The following PCLO variants were observed in gnomAD, a reference collection of about 807,000 sequenced individuals.
PCLO encodes the protein piccolo presynaptic cytomatrix protein.
PCLO carries 82 observed loss-of-function variants against 427.5 expected under a neutral mutation model. The observed-to-expected ratio is 0.19, with a 90% CI of 0.16 to 0.23. The LOEUF (loss-of-function observed/expected upper bound fraction) is 0.23, where lower values mean the gene tolerates loss of function less well. Among genes scored for constraint, PCLO ranks in the 10% least tolerant of loss-of-function variants. The probability of loss-of-function intolerance (pLI) is 1.00; values close to 1 mark genes in which losing one functional copy is unlikely to be tolerated. For missense variants in PCLO, 6,239 were observed against 6,115.9 expected, an observed-to-expected ratio of 1.02 and a Z score of -0.67; for synonymous variants, 2,357 against 2,155.4, an observed-to-expected ratio of 1.09 and a Z score of -2.59.
intron 3 of PCLO, among the ~76,000 whole-genome samples, chr7:82,981,303 T>C (rs562989042): frequency 2.7e-5 from 4 of 146,788 alleles, no homozygotes; most frequent in East Asian, 2.0e-4. Flanking sequence ...GAGTTAGAGG[T>C]AGAATTACCC....
At chr7:83,062,834 T>C (rs1017104413) in intron 3 of PCLO, among the ~76,000 whole-genome samples, 2 of 152,130 alleles carry the variant, frequency 1.3e-5, no homozygotes, top group Non-Finnish European at 2.9e-5. Flanking sequence ...TTCCTTTCAT[T>C]TTTATTTTCC....
At chr7:83,162,133 AC>A (rs1360273035) in intron 1 of PCLO, among the ~76,000 whole-genome samples, 1 of 152,314 alleles carries the variant, frequency 6.6e-6, no homozygotes, top group African/African-American at 2.4e-5. Context: ...CAAGAATGTA[AC>A]CCTTGACTAT....
rs773080307 is a variant in PCLO, at chr7:82,955,323, A to C, written c.5630T>G (p.Ile1877Arg). 1.9e-6 allele frequency: 3 copies of C among 1,613,184 alleles called. No homozygotes were observed. The highest frequency in any genetic ancestry group is 2.5e-6 in the Non-Finnish European group (3 of 1,179,674). Residue 1877 changes from isoleucine (I) to arginine (R), a missense_variant, in exon 5 of 25, where the codon ATA becomes AGA. Coordinates refer to ENST00000333891, the MANE Select transcript of PCLO (RefSeq NM_033026.6). ...TTTATAAACTTTTTGTACTTCTATT[A>C]TTTTTTCCGGGCTTATTTCAAAACC... Reference protein sequence around the residue: ...PEGFEISPEKIIEVQKVYKLP... With the variant: ...PEGFEISPEKRIEVQKVYKLP...
At chr7:82,830,160 A>C (rs1262312694) in intron 16 of PCLO, among the ~76,000 whole-genome samples, 3 of 151,924 alleles carry the variant, frequency 2.0e-5, no homozygotes, top group Non-Finnish European at 2.9e-5. Flanking sequence ...ATTATCTTTT[A>C]AAAAATCTAA....
chr7:83,082,527 G>A (rs1414280235), intron 3 of PCLO, among the ~76,000 whole-genome samples: 2 of 151,636 alleles, frequency 1.3e-5, no homozygotes, highest in African/African-American at 2.4e-5. Context: ...ATGAAGAAGG[G>A]ATGATTAATG....
At chr7:82,972,420 T>C (rs184752652) in intron 3 of PCLO, among the ~76,000 whole-genome samples, 53 of 152,140 alleles carry the variant, frequency 3.5e-4, no homozygotes, top group Non-Finnish European at 6.5e-4. Context: ...GGGCTGCCTA[T>C]TTATTTTTCT....
intron 4 of PCLO, among the ~76,000 whole-genome samples, chr7:82,961,519 C>G (rs1795655695): frequency 6.6e-6 from 1 of 152,260 alleles, no homozygotes; most frequent in South Asian, 2.1e-4. Context: ...TCCACTGTGG[C>G]GTGCACATAC....
chr7:82,936,555 C>G (rs116895686), intron 6 of PCLO, among the ~76,000 whole-genome samples: 2 of 151,408 alleles, frequency 1.3e-5, no homozygotes, highest in African/African-American at 4.8e-5. Flanking sequence ...GAAATTGCAA[C>G]CCTTATACAT....
chr7:83,162,507 G>A lies in PCLO; in HGVS notation c.86C>T (p.Ala29Val). The change falls in exon 1 of 25, where the codon GCG becomes GTG. Residue 29 changes from alanine (A) to valine (V), a missense_variant. By Grantham distance (64) the Ala-to-Val change is moderately conservative. Transcript: ENST00000333891. Reference protein sequence around the residue: ...AAAAGGGASGAGSPSHTAIPA... With the variant: ...AAAAGGGASGVGSPSHTAIPA... ...GATCGCGGTGTGAGAGGGGCTCCCCGCCCCGCTAGCTCCTCCTCCAGCCGC... is the reference window on the plus strand; with the variant it reads ...GATCGCGGTGTGAGAGGGGCTCCCCACCCCGCTAGCTCCTCCTCCAGCCGC... 2 of 1,563,132 alleles carry A rather than the reference G, an allele frequency of 1.3e-6. No individual in the cohort carries two copies. The highest frequency in any genetic ancestry group is 2.4e-5 in the South Asian group (2 of 85,046).
At chr7:82,874,758 A>G (rs1793329184) in intron 10 of PCLO, among the ~76,000 whole-genome samples, 1 of 152,174 alleles carries the variant, frequency 6.6e-6, no homozygotes, top group Non-Finnish European at 1.5e-5. Context: ...ATTTAAAATG[A>G]AAGTTGTAAA....
intron 3 of PCLO, among the ~76,000 whole-genome samples, chr7:83,014,327 C>T (rs1788156141): frequency 6.6e-6 from 1 of 151,854 alleles, no homozygotes; most frequent in Admixed American, 6.6e-5. Flanking sequence ...TTCTCAGTTG[C>T]CAGGAATTTA....
At chr7:82,799,535 T>C (rs905697345) in intron 22 of PCLO, among the ~76,000 whole-genome samples, 2 of 152,120 alleles carry the variant, frequency 1.3e-5, no homozygotes, top group African/African-American at 4.8e-5. Flanking sequence ...TGTAAAATAT[T>C]GTGCTGGCCC....
chr7:82,912,533 A>G (rs1794348307), intron 7 of PCLO, among the ~76,000 whole-genome samples: 1 of 151,960 alleles, frequency 6.6e-6, no homozygotes, highest in South Asian at 2.1e-4. Flanking sequence ...CTTTATGAAT[A>G]ATTTCCTTGT....
chr7:83,131,201 A>G (rs1230895905), intron 3 of PCLO, among the ~76,000 whole-genome samples: 3 of 152,334 alleles, frequency 2.0e-5, no homozygotes, highest in South Asian at 2.1e-4. Flanking sequence ...AAAGCCTAAA[A>G]GAATTGTCTC....
At chr7:82,822,177 G>A (rs955828676) in intron 20 of PCLO, 23 of 1,116,448 alleles carry the variant, frequency 2.1e-5, no homozygotes, top group Middle Eastern at 4.0e-4. Flanking sequence ...ATATTTAAGC[G>A]CAAACAAAAA....
chr7:83,103,556 T>A (rs993874132), intron 3 of PCLO, among the ~76,000 whole-genome samples: 15 of 151,992 alleles, frequency 9.9e-5, no homozygotes, highest in Non-Finnish European at 1.3e-4. Context: ...GTCTGTCAAT[T>A]GTCTTAACCT....
chr7:83,016,744 G>C (rs1300910004), intron 3 of PCLO, among the ~76,000 whole-genome samples: 1 of 152,088 alleles, frequency 6.6e-6, no homozygotes, highest in Non-Finnish European at 1.5e-5. Flanking sequence ...AAATTATTCT[G>C]AGTTATATGG....
At chr7:83,023,478 T>C (rs1010273950) in intron 3 of PCLO, among the ~76,000 whole-genome samples, 2 of 152,128 alleles carry the variant, frequency 1.3e-5, no homozygotes, top group Non-Finnish European at 2.9e-5. Flanking sequence ...TTGCCAAGTA[T>C]ATGACATTTT....
chr7:83,074,219 C>G (rs1360730223), intron 3 of PCLO, among the ~76,000 whole-genome samples: 1 of 151,752 alleles, frequency 6.6e-6, no homozygotes, highest in African/African-American at 2.4e-5. Context: ...AAGGTTCATT[C>G]AGGCCAGGAA....
Sources: allele counts gnomAD v4.1 joint callset (sites outside exome capture counted in the v4.1 genomes callset), GRCh38; gene constraint gnomAD v4.1.1; transcripts MANE v1.5; gene names NCBI Gene and HGNC (gene_info 2026-07-23, HGNC 2026-07-21).